ARHGEF10L: variants seen among roughly 807,000 people sequenced by gnomAD.
The protein encoded by ARHGEF10L is Rho guanine nucleotide exchange factor 10 like, also known as rho guanine nucleotide exchange factor 10-like protein.
ARHGEF10L carries 69 observed loss-of-function variants against 141.2 expected under a neutral mutation model. The ratio of observed to expected loss-of-function variants is 0.49; its 90% CI spans 0.40 to 0.60. The LOEUF (loss-of-function observed/expected upper bound fraction) is 0.60. ARHGEF10L is among the 20% of genes least tolerant of loss of function. ARHGEF10L has a pLI of 0.00. For synonymous variants in ARHGEF10L, 711 were observed against 718.5 expected (o/e 0.99, Z 0.17); for missense variants, 1,482 against 1,734.3 (o/e 0.85, Z 2.58).
Position 17,697,238 on chromosome 1 carries a change from A to C in ARHGEF10L, c.3698A>C (p.Lys1233Thr), listed in dbSNP as rs773780587. The change falls in exon 29 of 29, where the codon AAG becomes ACG. Residue 1233 changes from lysine to threonine, a missense_variant. Around this residue, in one of 3 missense-constraint regions of ARHGEF10L, gnomAD observed 858 missense variants for 966.3 expected, o/e 0.89. Coordinates refer to ENST00000361221, the MANE Select transcript of ARHGEF10L (RefSeq NM_018125.4). This position sits in a 1 kb window ranked among gnomAD's most constrained non-coding sequence, Gnocchi z 4.8. The part of the protein sequence containing the change: ...SRPCARDAHR[K>T]EICSVAIISG... ...CCCTGCGCCCGCGACGCCCACCGCA[A>C]GGAGATTTGCTCTGTGGCCATCATC... 2 of 1,612,472 alleles carry C rather than the reference A, an allele frequency of 1.2e-6. No individual in the cohort carries two copies. The highest frequency in any genetic ancestry group is 1.7e-6 in the Non-Finnish European group (2 of 1,179,716).
chr1:17,578,314 A>G (rs1218045070), intron 1 of ARHGEF10L, among the ~76,000 whole-genome samples: 1 of 152,160 alleles, frequency 6.6e-6, no homozygotes, highest in East Asian at 1.9e-4. Context: ...GTAAAAGTTT[A>G]GTCCTGAGAG....
intron 14 of ARHGEF10L, 109 bp downstream of exon 14, chr1:17,626,157 A>G (rs910790702): frequency 3.6e-6 from 3 of 826,092 alleles, no homozygotes; most frequent in Non-Finnish European, 5.9e-6. Flanking sequence ...GTGATCCATA[A>G]CCCACCCAAC....
chr1:17,541,149 C>T (rs984580388), intron 1 of ARHGEF10L, among the ~76,000 whole-genome samples: 1 of 152,120 alleles, frequency 6.6e-6, no homozygotes, highest in Non-Finnish European at 1.5e-5. Flanking sequence ...TTCCTGAGGC[C>T]CCCTGTCCCT....
chr1:17,612,997 C>A, intron 7 of ARHGEF10L, 61 bp from the exon 8 acceptor site: 2 of 1,176,562 alleles, frequency 1.7e-6, no homozygotes, highest in Non-Finnish European at 2.5e-6. Flanking sequence ...GTTTTGTCTC[C>A]TTCCTGTCCC....
At chr1:17,582,386 C>G (rs2078649809) in intron 2 of ARHGEF10L, among the ~76,000 whole-genome samples, 1 of 152,202 alleles carries the variant, frequency 6.6e-6, no homozygotes. Flanking sequence ...CCAGCTCTTT[C>G]TAATATTGCT....
chr1:17,695,143 C>T lies in ARHGEF10L; in HGVS notation c.3185-15C>T. On this transcript the variant is annotated splice_polypyrimidine_tract_variant and intron_variant, in intron 27 of 28. Coordinates refer to ENST00000361221, the MANE Select transcript of ARHGEF10L (RefSeq NM_018125.4). Reference sequence around the variant, plus strand: ...CCCCAGGAGGGCACTGCTCAGCCGCCCTCTCTTTCTGCAGGCCAGAAGCAC... The same window carrying T: ...CCCCAGGAGGGCACTGCTCAGCCGCTCTCTCTTTCTGCAGGCCAGAAGCAC... 1 of 1,612,444 alleles carries T rather than the reference C, an allele frequency of 6.2e-7. No individual in the cohort carries two copies. The highest frequency in any genetic ancestry group is 8.5e-7 in the Non-Finnish European group (1 of 1,179,986).
At chr1:17,524,608 C>T in the ARHGEF10L span, among the ~76,000 whole-genome samples, 3 of 152,060 alleles carry the variant, frequency 2.0e-5, no homozygotes, top group African/African-American at 4.8e-5. Flanking sequence ...ATAAAATGAC[C>T]TTGGGATGCA....
chr1:17,663,748 C>T (rs907313480), intron 25 of ARHGEF10L, among the ~76,000 whole-genome samples: 1 of 152,046 alleles, frequency 6.6e-6, no homozygotes, highest in African/African-American at 2.4e-5. Context: ...TTGTCAGCTC[C>T]CCACCCCATT....
the ARHGEF10L span, among the ~76,000 whole-genome samples, chr1:17,525,039 C>G: frequency 4.6e-5 from 7 of 152,186 alleles, no homozygotes. Context: ...ACAGAGGCAG[C>G]CTTTGTTTCA....
At chr1:17,618,042 A>G (rs1002423108) in intron 9 of ARHGEF10L, among the ~76,000 whole-genome samples, 1 of 152,178 alleles carries the variant, frequency 6.6e-6, no homozygotes, top group Non-Finnish European at 1.5e-5. Context: ...GTGGGTGTGC[A>G]CAGGCCTGGC....
At chr1:17,690,339 C>A (rs2065007040) in intron 27 of ARHGEF10L, among the ~76,000 whole-genome samples, 1 of 152,210 alleles carries the variant, frequency 6.6e-6, no homozygotes, top group Non-Finnish European at 1.5e-5. Flanking sequence ...GCTTCCCATC[C>A]TCGGTCCCTA....
At chr1:17,595,595 C>G (rs2080014764) in intron 4 of ARHGEF10L, among the ~76,000 whole-genome samples, 1 of 152,174 alleles carries the variant, frequency 6.6e-6, no homozygotes. Context: ...GTAAGGGGAT[C>G]TGTGACCATG....
chr1:17,596,084 T>G (rs2100817433), intron 4 of ARHGEF10L, among the ~76,000 whole-genome samples: 1 of 152,338 alleles, frequency 6.6e-6, no homozygotes, highest in Non-Finnish European at 1.5e-5. Flanking sequence ...TTCTCAACCC[T>G]GGCTGCATGC....
chr1:17,660,417 A>T (rs568969713), intron 25 of ARHGEF10L, among the ~76,000 whole-genome samples: 1 of 152,200 alleles, frequency 6.6e-6, no homozygotes, highest in Non-Finnish European at 1.5e-5. Flanking sequence ...GCCCCACTTC[A>T]TAGAATGGTT....
chr1:17,668,297 C>T (rs1473771925), intron 26 of ARHGEF10L, among the ~76,000 whole-genome samples: 6 of 152,234 alleles, frequency 3.9e-5, no homozygotes, highest in African/African-American at 1.4e-4. Flanking sequence ...GTCTGCCATC[C>T]TCTCGCCTCA....
At chr1:17,680,964 A>G (rs1255108508) in intron 26 of ARHGEF10L, among the ~76,000 whole-genome samples, 1 of 152,062 alleles carries the variant, frequency 6.6e-6, no homozygotes, top group Non-Finnish European at 1.5e-5. Flanking sequence ...TTGTAATTTT[A>G]GTAGAGACAT....
chr1:17,618,471 C>T (rs1557838300), intron 9 of ARHGEF10L: 1 of 1,472,124 alleles, frequency 6.8e-7, no homozygotes, highest in South Asian at 1.4e-5. Context: ...CCCCCACCCC[C>T]ACGCCGTCAT....
chr1:17,626,263 G>A (rs1057179566), intron 14 of ARHGEF10L, among the ~76,000 whole-genome samples: 23 of 152,192 alleles, frequency 1.5e-4, no homozygotes, highest in Admixed American at 1.3e-3. Flanking sequence ...GGGGGACGCT[G>A]AGGGACTGCT....
chr1:17,685,081 G>A (rs1327793845), intron 26 of ARHGEF10L, among the ~76,000 whole-genome samples: 1 of 152,154 alleles, frequency 6.6e-6, no homozygotes, highest in Non-Finnish European at 1.5e-5. Context: ...GATTTGAGCT[G>A]GGAAGGAGCT....
Sources: gnomAD v4.1 joint callset for allele counts (sites outside exome capture counted in the v4.1 genomes callset) on GRCh38, gnomAD v4.1.1 for gene constraint, gnomAD v4.1.1 regional missense constraint, Gnocchi (gnomAD v3.1) non-coding constraint, MANE v1.5 for transcripts, NCBI Gene and HGNC (gene_info 2026-07-23, HGNC 2026-07-21) for gene names.